The following NAV2 variants were observed in gnomAD, a reference collection of about 807,000 sequenced individuals.
NAV2 encodes neuron navigator 2, also known as helicase, APC down-regulated 1.
In NAV2, 54 loss-of-function variants were observed where a neutral mutation model predicts 223.2. The observed-to-expected ratio is 0.24, with a 90% CI of 0.19 to 0.30. The LOEUF is 0.30. Ranked by LOEUF, NAV2 falls within the 10% of genes least tolerant of loss-of-function variation. NAV2 has a pLI of 1.00. For synonymous variants in NAV2, 1,279 were observed against 1,239.3 expected, an observed-to-expected ratio of 1.03 and a Z score of -0.67; for missense variants, 2,806 against 3,147.5, an observed-to-expected ratio of 0.89 and a Z score of 2.60.
chr11:19,350,639 G>A, upstream of NAV2: 1 of 397,646 alleles, frequency 2.5e-6, no homozygotes, highest in Non-Finnish European at 4.7e-6. Flanking sequence ...TGTGCCTCAG[G>A]ATATGGACTT....
rs576401080 is a variant in NAV2 at position 19,720,859 on chromosome 11, C to A, written c.267+6897C>A. Among the ~76,000 whole-genome samples the A allele has an allele frequency of 7.0e-4, 107 of 152,328 alleles. 1 individual carries two copies. The Middle Eastern group carries it at 0.01, about 15-fold the overall frequency. ...TCTCTTTAGTCACCTTGCTACATGACCTTCAACAAATCACATTTTCTTTCT... is the reference window on the plus strand; with the variant it reads ...TCTCTTTAGTCACCTTGCTACATGAACTTCAACAAATCACATTTTCTTTCT... On this transcript the variant is annotated intron_variant, in intron 1 of 37. Coordinates refer to ENST00000349880, the MANE Select transcript of NAV2 (RefSeq NM_145117.5).
chr11:20,114,323 G>C lies in NAV2; in HGVS notation c.6961-269G>C, dbSNP rs1371647959. 15 of 526,846 alleles carry C rather than the reference G, an allele frequency of 2.8e-5. No individual in the cohort carries two copies. In the East Asian group the frequency reaches 4.8e-4, roughly 17 times the overall value. 32.6% of individuals were successfully genotyped at this position (526,846 alleles called of 1,614,324 possible). On this transcript the variant is annotated intron_variant, in intron 36 of 37. Transcript: ENST00000349880. ...CAAGGCTCAGAGTTTAGGGTCACAC[G>C]GTGAGTCAGTGGCAGAGCTGAGACA...
intron 1 of NAV2, among the ~76,000 whole-genome samples, chr11:19,716,545 G>C (rs2050330099): frequency 6.6e-6 from 1 of 152,128 alleles, no homozygotes; most frequent in African/African-American, 2.4e-5. Context: ...GAAAAGATAT[G>C]GCTTATTCTC....
At chr11:19,624,801 G>C (rs759337520) in intron 1 of NAV2, among the ~76,000 whole-genome samples, 1 of 152,166 alleles carries the variant, frequency 6.6e-6, no homozygotes, top group African/African-American at 2.4e-5. Flanking sequence ...AGATGAACCC[G>C]GTACCTCAGT....
rs146960732 is a variant in NAV2 at position 19,439,877 on chromosome 11, A to C, written c.75+88850A>C. 4.6e-5 allele frequency among the ~76,000 whole-genome samples: 7 copies of C among 152,338 alleles called. No individual in the cohort carries two copies. The East Asian group carries it at 1.3e-3, about 29-fold the overall frequency. On this transcript the variant is annotated intron_variant, in intron 1 of 37. Transcript: ENST00000360655. ...CCATTCATTCTGAACATCAGTCCTC[A>C]TTACCCAGGGCTGCAGGTATAGCCA...
intron 1 of NAV2, among the ~76,000 whole-genome samples, chr11:19,614,948 C>T (rs775601786): frequency 2.0e-5 from 3 of 152,130 alleles, no homozygotes; most frequent in Non-Finnish European, 4.4e-5. Context: ...CAACATGGTA[C>T]TCTTCTTTGT....
chr11:20,042,451 C>T (rs1240706072), intron 12 of NAV2, among the ~76,000 whole-genome samples: 1 of 152,070 alleles, frequency 6.6e-6, no homozygotes, highest in African/African-American at 2.4e-5. Flanking sequence ...TTCTCATAGC[C>T]AGGCAGTGTG....
chr11:19,991,978 C>T (rs1425025492), intron 11 of NAV2, among the ~76,000 whole-genome samples: 3 of 152,120 alleles, frequency 2.0e-5, no homozygotes, highest in Non-Finnish European at 4.4e-5. Flanking sequence ...TATTAGTGCC[C>T]CTGAGCATTT....
intron 1 of NAV2, among the ~76,000 whole-genome samples, chr11:19,477,107 G>A (rs1590285112): frequency 6.6e-6 from 1 of 152,262 alleles, no homozygotes; most frequent in Admixed American, 6.5e-5. Flanking sequence ...CAAGCGAAAT[G>A]ATTTTTTTGG....
At chr11:19,394,820 T>G (rs1013090594) in intron 1 of NAV2, among the ~76,000 whole-genome samples, 10 of 152,088 alleles carry the variant, frequency 6.6e-5, no homozygotes, top group African/African-American at 2.4e-4. Context: ...TGGCGGGGAT[T>G]GAGGCCTCAT....
intron 1 of NAV2, among the ~76,000 whole-genome samples, chr11:19,618,650 T>G (rs559710746): frequency 2.6e-5 from 4 of 152,132 alleles, no homozygotes; most frequent in African/African-American, 9.7e-5. Flanking sequence ...TGGGGAGCCA[T>G]AGATTTGACA....
At chr11:19,858,493 C>G (rs2061511645) in intron 3 of NAV2, among the ~76,000 whole-genome samples, 1 of 152,304 alleles carries the variant, frequency 6.6e-6, no homozygotes, top group East Asian at 1.9e-4. Flanking sequence ...ATTTTCATAT[C>G]CTGGTAATTG....
At chr11:19,917,530 T>C (rs2043910306) in intron 6 of NAV2, among the ~76,000 whole-genome samples, 1 of 152,146 alleles carries the variant, frequency 6.6e-6, no homozygotes, top group South Asian at 2.1e-4. Flanking sequence ...CCTCTTACCC[T>C]CACAGACAGT....
intron 1 of NAV2, among the ~76,000 whole-genome samples, chr11:19,396,393 G>C (rs900232321): frequency 6.6e-6 from 1 of 152,162 alleles, no homozygotes; most frequent in Non-Finnish European, 1.5e-5. Flanking sequence ...CCTTAGGTTG[G>C]CGTTTAAAGT....
chr11:20,069,134 G>T (rs576742340), intron 22 of NAV2, among the ~76,000 whole-genome samples: 28 of 152,146 alleles, frequency 1.8e-4, no homozygotes, highest in Non-Finnish European at 2.9e-4. Context: ...TTTTAAAAGG[G>T]GGACAGGAAG....
Position 20,082,999 on chromosome 11 carries a change from A to G in NAV2, c.5326-8A>G, listed in dbSNP as rs2060186757. The G allele has an allele frequency of 1.2e-6, 2 of 1,610,246 alleles. No individual in the cohort carries two copies. Among genetic ancestry groups the G allele is most frequent in the Non-Finnish European group, 1.7e-6 (2 of 1,178,026 alleles). ...CCCGCTGTGAGACTGACAGTCTTGT[A>G]TATTCAGTTACGCAGCTCCTTCAAG... is the stretch of plus-strand genomic sequence containing the variant. On this transcript the variant is annotated splice_region_variant and splice_polypyrimidine_tract_variant and intron_variant, in intron 25 of 37. Coordinates refer to ENST00000349880, the MANE Select transcript of NAV2 (RefSeq NM_145117.5).
chr11:19,974,118 A>G (rs1284792085), intron 10 of NAV2, among the ~76,000 whole-genome samples: 1 of 152,250 alleles, frequency 6.6e-6, no homozygotes, highest in Non-Finnish European at 1.5e-5. Flanking sequence ...AGTTTAAATT[A>G]CTGTTACAGT....
chr11:19,703,952 T>C (rs2049584660), intron 1 of NAV2, among the ~76,000 whole-genome samples: 1 of 152,042 alleles, frequency 6.6e-6, no homozygotes, highest in Non-Finnish European at 1.5e-5. Flanking sequence ...GGACCACTAA[T>C]TCAGAGTAAC....
chr11:19,609,093 A>G lies in NAV2; in HGVS notation c.76-223391A>G, dbSNP rs190176813. Among the ~76,000 whole-genome samples the G allele has an allele frequency of 3.3e-3, 497 of 152,350 alleles. 1 individual carries two copies. Among genetic ancestry groups the G allele is most frequent in the African/African-American group, 0.011 (455 of 41,572 alleles). On this transcript the variant is annotated intron_variant, in intron 1 of 37. Transcript: ENST00000360655. Reference sequence around the variant, plus strand: ...AGATCCTTAATTTAATCACATCTGCAAAATTACTTTTGTCATAAATGTACC... The same window carrying G: ...AGATCCTTAATTTAATCACATCTGCGAAATTACTTTTGTCATAAATGTACC...
Sources: gnomAD v4.1 joint callset for allele counts (sites outside exome capture counted in the v4.1 genomes callset) on GRCh38, gnomAD v4.1.1 for gene constraint, MANE v1.5 for transcripts, NCBI Gene and HGNC (gene_info 2026-07-23, HGNC 2026-07-21) for gene names.